The following RTTN variants were observed in gnomAD, a reference collection of about 807,000 sequenced individuals.
The protein encoded by RTTN is rotatin.
A neutral mutation model predicts 269.2 loss-of-function variants in RTTN; 182 were observed. The observed-to-expected ratio is 0.68, with a 90% confidence interval of 0.60 to 0.76. The LOEUF is 0.76. Among genes scored for constraint, RTTN ranks in the 30% least tolerant of loss-of-function variants. The pLI, the probability that RTTN is intolerant of heterozygous loss-of-function variation, is 0.00. For missense variants in RTTN, 2,545 were observed against 2,608.6 expected (o/e 0.98, Z 0.53); for synonymous variants, 1,006 against 963.5 (o/e 1.04, Z -0.82).
intron 34 of RTTN, among the ~76,000 whole-genome samples, chr18:70,070,884 T>C (rs1388411840): frequency 2.0e-5 from 3 of 152,242 alleles, no homozygotes. Flanking sequence ...AAGGAATATT[T>C]GAATCTTTTC....
At chr18:70,158,492 AC>A in intron 14 of RTTN, among the ~76,000 whole-genome samples, 2 of 152,296 alleles carry the variant, frequency 1.3e-5, no homozygotes, top group South Asian at 4.1e-4. Context: ...CCACAAAAAC[AC>A]ACTAAAATAC....
chr18:70,061,830 T>A (rs1237981325), intron 35 of RTTN, among the ~76,000 whole-genome samples: 1 of 152,128 alleles, frequency 6.6e-6, no homozygotes, highest in Non-Finnish European at 1.5e-5. Flanking sequence ...TGAGACCTCA[T>A]CTCTTAAAAA....
intron 23 of RTTN, chr18:70,131,780 G>A (rs996210349): frequency 6.6e-6 from 1 of 151,410 alleles, no homozygotes; most frequent in African/African-American, 2.4e-5. Flanking sequence ...AAGCCAGAGA[G>A]GAAAAAGAAA....
intron 35 of RTTN, chr18:70,061,505 C>T (rs570774161): frequency 4.3e-5 from 19 of 440,674 alleles, no homozygotes; most frequent in African/African-American, 1.0e-4. Flanking sequence ...TGTGTATATA[C>T]GTATGCATGC....
intron 25 of RTTN, among the ~76,000 whole-genome samples, chr18:70,122,192 C>T (rs2059756043): frequency 6.6e-6 from 1 of 151,654 alleles, no homozygotes; most frequent in African/African-American, 2.4e-5. Context: ...TGAAGGTAGA[C>T]TTAGGATGAA....
At chr18:70,200,353 C>A (rs754870666) in intron 4 of RTTN, among the ~76,000 whole-genome samples, 2 of 152,132 alleles carry the variant, frequency 1.3e-5, no homozygotes, top group African/African-American at 2.4e-5. Flanking sequence ...CCAAAATAAG[C>A]CAGACCCTCA....
Position 70,020,604 on chromosome 18 carries a change from T to C in RTTN, c.6153+11A>G, listed in dbSNP as rs1475286335. ...ACCCTTTTAAGATATGTGGGGAGTTTAAGTGCGTACCTTCTGAATTACTCC... is the reference window on the plus strand; with the variant it reads ...ACCCTTTTAAGATATGTGGGGAGTTCAAGTGCGTACCTTCTGAATTACTCC... On this transcript the variant is annotated intron_variant, in intron 45 of 48. Coordinates refer to ENST00000640769, the MANE Select transcript of RTTN (RefSeq NM_173630.4). 6.2e-7 allele frequency: 1 copy of C among 1,606,408 alleles called. No individual in the cohort carries two copies. The highest frequency in any genetic ancestry group is 1.3e-5 in the African/African-American group (1 of 74,900).
At chr18:70,136,421 ATAAATAAATT>A (rs1238745363) in intron 21 of RTTN, among the ~76,000 whole-genome samples, 5 of 43,906 alleles carry the variant, frequency 1.1e-4, no homozygotes, top group Middle Eastern at 0.013. Flanking sequence ...AAATATAATA[ATAAATAAATT>A]TAAAGGATAG....
chr18:70,029,911 T>G, intron 42 of RTTN, 101 bp downstream of exon 42: 1 of 798,128 alleles, frequency 1.3e-6, no homozygotes, highest in Non-Finnish European at 2.1e-6. Flanking sequence ...GTACCTTTCT[T>G]CTAAATGAGA....
chr18:70,190,803 G>A (rs1158889812), intron 8 of RTTN, 84 bp from the exon 9 acceptor site: 1 of 917,416 alleles, frequency 1.1e-6, no homozygotes, highest in East Asian at 2.5e-5. Flanking sequence ...TCGCATATTA[G>A]AAGCCTCATA....
chr18:70,108,451 G>A (rs2059380482), intron 28 of RTTN, among the ~76,000 whole-genome samples: 2 of 152,040 alleles, frequency 1.3e-5, no homozygotes, highest in South Asian at 2.1e-4. Context: ...TAAAATGGTT[G>A]AAAAAGTCAC....
At chr18:70,204,747 T>C (rs549572809) in intron 2 of RTTN, among the ~76,000 whole-genome samples, 1 of 152,348 alleles carries the variant, frequency 6.6e-6, no homozygotes, top group East Asian at 1.9e-4. Context: ...CAACTTAACA[T>C]TGGTATTTAT....
intron 10 of RTTN, among the ~76,000 whole-genome samples, chr18:70,177,771 G>A (rs1018955925): frequency 6.6e-6 from 1 of 152,158 alleles, no homozygotes; most frequent in Admixed American, 6.5e-5. Context: ...AAGGTATGAG[G>A]CCCAAAAAGC....
chr18:70,192,207 A>T (rs973973769), intron 8 of RTTN, among the ~76,000 whole-genome samples: 3 of 152,350 alleles, frequency 2.0e-5, no homozygotes, highest in South Asian at 4.1e-4. Flanking sequence ...TGTTAACAGT[A>T]GTAGCAGTAT....
At chr18:70,042,693 A>G (rs2057382047) in intron 40 of RTTN, among the ~76,000 whole-genome samples, 1 of 152,172 alleles carries the variant, frequency 6.6e-6, no homozygotes, top group Admixed American at 6.5e-5. Context: ...AGAATTCTCT[A>G]TAGTAACATT....
chr18:70,067,402 G>A (rs142371779), intron 34 of RTTN, among the ~76,000 whole-genome samples: 9,104 of 151,870 alleles, frequency 0.06, 308 homozygotes, highest in African/African-American at 0.099. Context: ...CTCGTGATCC[G>A]CCCGCCTCTG....
chr18:70,134,195 C>T (rs2060065887), intron 23 of RTTN, among the ~76,000 whole-genome samples: 2 of 151,886 alleles, frequency 1.3e-5, no homozygotes, highest in Non-Finnish European at 2.9e-5. Flanking sequence ...CAAAGAGACT[C>T]ATATGTAAAT....
intron 27 of RTTN, among the ~76,000 whole-genome samples, chr18:70,111,551 T>C (rs891234650): frequency 6.6e-6 from 1 of 151,832 alleles, no homozygotes; most frequent in African/African-American, 2.4e-5. Flanking sequence ...AGAAAGGATA[T>C]CAGTGATAGA....
chr18:70,162,648 C>T, intron 14 of RTTN, among the ~76,000 whole-genome samples: 1 of 152,044 alleles, frequency 6.6e-6, no homozygotes, highest in East Asian at 1.9e-4. Flanking sequence ...ATTCCAATTA[C>T]CTCCTCCCAC....
Sources: allele counts gnomAD v4.1 joint callset (sites outside exome capture counted in the v4.1 genomes callset), GRCh38; gene constraint gnomAD v4.1.1; transcripts MANE v1.5; gene names NCBI Gene and HGNC (gene_info 2026-07-23, HGNC 2026-07-21).